Variants in DYDC2 observed in about 807,000 individuals in gnomAD.
The protein encoded by DYDC2 is DPY30 domain containing 2, also known as DPY30 domain-containing protein 2.
A neutral mutation model predicts 18.7 loss-of-function variants in DYDC2; 19 were observed. The observed-to-expected ratio is 1.02, with a 90% CI of 0.71 to 1.49. DYDC2 has a LOEUF of 1.49. Among genes scored for constraint, DYDC2 ranks in the 40% most tolerant of loss-of-function variants. The probability of loss-of-function intolerance (pLI) is 0.00; values close to 1 mark genes in which losing one functional copy is unlikely to be tolerated. For synonymous variants in DYDC2, 63 were observed against 67.6 expected (o/e 0.93, Z 0.34); for missense variants, 179 against 205.1 (o/e 0.87, Z 0.78).
Position 80,346,719 on chromosome 10 carries a change from C to T in DYDC2, c.-310+1904C>T, listed in dbSNP as rs530091975. ...TTGTGATCTGCCCGCCTCAGCCTCC[C>T]GAAGTGCTGGGATTACAGGTGTGAG... On this transcript the variant is annotated intron_variant, in intron 1 of 4. Coordinates refer to the DYDC2 transcript ENST00000372197. 1.2e-4 allele frequency among the ~76,000 whole-genome samples: 18 copies of T among 151,788 alleles called. No homozygotes were observed. The South Asian group carries it at 3.3e-3, about 28-fold the overall frequency.
At chr10:80,363,989 T>G (rs1007952710) in intron 4 of DYDC2, among the ~76,000 whole-genome samples, 1 of 152,236 alleles carries the variant, frequency 6.6e-6, no homozygotes, top group African/African-American at 2.4e-5. Context: ...CCTTATGCTA[T>G]TCTATGCTTT....
At chr10:80,358,920 C>T (rs751938363) in intron 2 of DYDC2, among the ~76,000 whole-genome samples, 4 of 152,180 alleles carry the variant, frequency 2.6e-5, no homozygotes, top group Non-Finnish European at 4.4e-5. Flanking sequence ...GGTCTCCCTT[C>T]AGAAGTGAAG....
intron 1 of DYDC2, among the ~76,000 whole-genome samples, chr10:80,349,143 G>A (rs1450806706): frequency 1.3e-5 from 2 of 152,072 alleles, no homozygotes; most frequent in South Asian, 2.1e-4. Context: ...CGCCCGCCTC[G>A]GCCTCCCAAA....
upstream of DYDC2, among the ~76,000 whole-genome samples, chr10:80,354,208 C>T (rs771101335): frequency 8.6e-5 from 13 of 150,454 alleles, no homozygotes; most frequent in African/African-American, 1.5e-4. Context: ...GAATATTTGC[C>T]GGGCACAGTG....
intron 1 of DYDC2, among the ~76,000 whole-genome samples, chr10:80,350,018 A>G (rs548796009): frequency 3.9e-5 from 6 of 152,164 alleles, no homozygotes; most frequent in African/African-American, 1.4e-4. Flanking sequence ...TCCAGCTTAC[A>G]TGACTCAGAA....
At chr10:80,348,187 T>A (rs114097582) in intron 1 of DYDC2, among the ~76,000 whole-genome samples, 9,384 of 152,316 alleles carry the variant, frequency 0.062, 294 homozygotes, top group Middle Eastern at 0.1. Flanking sequence ...GTTACATTTA[T>A]TCCTACGTAT....
chr10:80,360,767 T>C (rs370540664), intron 2 of DYDC2, among the ~76,000 whole-genome samples: 7 of 151,110 alleles, frequency 4.6e-5, no homozygotes, highest in East Asian at 1.9e-4. Context: ...TTCTTTCTTT[T>C]TTTTTTTTTT....
upstream of DYDC2, chr10:80,356,370 C>A: frequency 1.0e-6 from 1 of 985,828 alleles, no homozygotes; most frequent in Non-Finnish European, 1.2e-6. Flanking sequence ...TGGGAGACAG[C>A]TAGCCAGCCA....
At chr10:80,345,037 C>T (rs1000448044) in intron 1 of DYDC2, among the ~76,000 whole-genome samples, 1 of 134,056 alleles carries the variant, frequency 7.5e-6, no homozygotes, top group African/African-American at 3.0e-5. Context: ...CTGAGCTGAA[C>T]AAATTTACAA....
intron 4 of DYDC2, among the ~76,000 whole-genome samples, chr10:80,364,998 T>C (rs1194424140): frequency 6.6e-6 from 1 of 152,246 alleles, no homozygotes; most frequent in East Asian, 1.9e-4. Flanking sequence ...TGCTCCTTGC[T>C]ATTGGTCACC....
At chr10:80,352,401 C>G, upstream of DYDC2, 1 of 1,475,358 alleles carries the variant, frequency 6.8e-7, no homozygotes, top group Non-Finnish European at 9.0e-7. Flanking sequence ...TAAAAGCAGA[C>G]AAGTTGGACC....
exon 1 of DYDC2, chr10:80,344,773 G>A (rs1388843273): frequency 1.3e-5 from 4 of 309,862 alleles, no homozygotes; most frequent in African/African-American, 4.5e-5. Flanking sequence ...AGTGCCTTTC[G>A]CCTCCCACCA....
chr10:80,356,393 G>C, upstream of DYDC2: 2 of 985,712 alleles, frequency 2.0e-6, no homozygotes, highest in Non-Finnish European at 2.4e-6. Context: ...CAGCCAACTG[G>C]GCGGGGGCAC....
chr10:80,360,687 T>C (rs549152163), intron 2 of DYDC2, among the ~76,000 whole-genome samples: 26 of 152,278 alleles, frequency 1.7e-4, no homozygotes, highest in Non-Finnish European at 2.8e-4. Context: ...TCACATAATC[T>C]ACATTTCACA....
At chr10:80,354,924 G>A (rs1210675201), upstream of DYDC2, among the ~76,000 whole-genome samples, 1 of 152,050 alleles carries the variant, frequency 6.6e-6, no homozygotes, top group East Asian at 1.9e-4. Flanking sequence ...AACAGTCTCT[G>A]CCTTCATGGA....
Position 80,366,849 on chromosome 10 carries a change from G to A in DYDC2, c.432G>A (p.Gln144=). ...QQVPPSESAG[Q]IDQNFKMPQE... Reference sequence around the variant, plus strand: ...TTCCTCCTTCAGAGTCTGCTGGCCAGATTGACCAGAACTTCAAAATGCCAC... The same window carrying A: ...TTCCTCCTTCAGAGTCTGCTGGCCAAATTGACCAGAACTTCAAAATGCCAC... The change falls in exon 5 of 5, where the codon CAG becomes CAA. Residue 144 remains glutamine, a synonymous_variant. Coordinates refer to ENST00000256039, the MANE Select transcript of DYDC2 (RefSeq NM_032372.6). 1.2e-6 allele frequency: 2 copies of A among 1,614,180 alleles called. No homozygotes were observed. Among genetic ancestry groups the A allele is most frequent in the South Asian group, 1.1e-5 (1 of 91,074 alleles).
chr10:80,363,448 G>A (rs901907006), intron 4 of DYDC2, among the ~76,000 whole-genome samples: 1 of 141,778 alleles, frequency 7.1e-6, no homozygotes, highest in Non-Finnish European at 1.5e-5. Context: ...GGGTTCAAGT[G>A]ATTCTCCTGT....
chr10:80,354,284 C>G (rs1047384614), upstream of DYDC2: 1 of 150,966 alleles, frequency 6.6e-6, no homozygotes, highest in Admixed American at 6.6e-5. Flanking sequence ...GTCAGGAGTT[C>G]GAGACCAGCC....
At chr10:80,352,033 C>A (rs1843019783), upstream of DYDC2, 2 of 1,603,018 alleles carry the variant, frequency 1.2e-6, no homozygotes, top group African/African-American at 2.7e-5. Flanking sequence ...CAGCACACGA[C>A]TTCTTAGCGA....
Sources: gnomAD v4.1 joint callset for allele counts (sites outside exome capture counted in the v4.1 genomes callset) on GRCh38, gnomAD v4.1.1 for gene constraint, MANE v1.5 for transcripts, NCBI Gene and HGNC (gene_info 2026-07-23, HGNC 2026-07-21) for gene names.